The following SORCS3 variants were observed in gnomAD, a reference collection of about 807,000 sequenced individuals.
SORCS3 encodes the protein VPS10 domain-containing receptor SorCS3.
SORCS3 carries 57 observed loss-of-function variants against 146.3 expected under a neutral mutation model. That is an observed-to-expected ratio of 0.39 (90% CI 0.31 to 0.49). SORCS3 has a LOEUF of 0.49. Ranked by LOEUF, SORCS3 falls within the 20% of genes least tolerant of loss-of-function variation. SORCS3 has a pLI of 0.92. For missense variants in SORCS3, 1,341 were observed against 1,575.5 expected (o/e 0.85, Z 2.52); for synonymous variants, 653 against 618.5 (o/e 1.06, Z -0.83).
At chr10:104,739,192 C>T (rs1207528889) in intron 1 of SORCS3, among the ~76,000 whole-genome samples, 1 of 152,194 alleles carries the variant, frequency 6.6e-6, no homozygotes, top group African/African-American at 2.4e-5. Flanking sequence ...CTGTCTGTGT[C>T]TGAGCGATGT....
rs760141602 is a variant in SORCS3 at position 105,256,817 on chromosome 10, A to G, written c.3338-2A>G. The G allele has an allele frequency of 6.2e-7, 1 of 1,612,414 alleles. No homozygotes were observed. Among genetic ancestry groups the G allele is most frequent in the East Asian group, 2.2e-5 (1 of 44,872 alleles). ...TTTTCCTTATCTGTTCTTCTTTCCA[A>G]GCTCCATTGGTGGACTCCAGTGCTG... On this transcript the variant is annotated splice_acceptor_variant, in intron 24 of 26. Transcript: ENST00000369701. LOFTEE classifies it high-confidence loss of function.
chr10:105,141,901 G>C (rs979931990), intron 8 of SORCS3, among the ~76,000 whole-genome samples: 2 of 152,174 alleles, frequency 1.3e-5, no homozygotes, highest in Non-Finnish European at 2.9e-5. Flanking sequence ...CTGTGAAATG[G>C]GGTTAATATT....
intron 4 of SORCS3, among the ~76,000 whole-genome samples, chr10:104,981,203 A>G (rs1589577733): frequency 6.6e-6 from 1 of 151,830 alleles, no homozygotes; most frequent in Non-Finnish European, 1.5e-5. Flanking sequence ...CACTCCTTCT[A>G]CCTCCCATGC....
Position 105,139,393 on chromosome 10 carries a change from C to T in SORCS3, c.1213-4C>T. The T allele has an allele frequency of 1.2e-6, 2 of 1,610,936 alleles. No homozygotes were observed. The highest frequency in any genetic ancestry group is 8.5e-7 in the Non-Finnish European group (1 of 1,177,166). ...GATCTCTTTGTGTTTCCCCCACAATCTAGGTAACAACTAGTGGAAGAGCCA... is the reference window on the plus strand; with the variant it reads ...GATCTCTTTGTGTTTCCCCCACAATTTAGGTAACAACTAGTGGAAGAGCCA... On this transcript the variant is annotated splice_region_variant and splice_polypyrimidine_tract_variant and intron_variant, in intron 7 of 26. Coordinates refer to ENST00000369701, the MANE Select transcript of SORCS3 (RefSeq NM_014978.3).
rs2056294586 is a variant in SORCS3, at chr10:105,164,368, A to G, written c.1798A>G (p.Thr600Ala). 4 of 1,612,332 alleles carry G rather than the reference A, an allele frequency of 2.5e-6. No homozygotes were observed. Among genetic ancestry groups the G allele is most frequent in the Non-Finnish European group, 3.4e-6 (4 of 1,178,608 alleles). The change falls in exon 12 of 27, where the codon ACA (threonine) becomes GCA (alanine). Residue 600 changes from threonine to alanine, a missense_variant. Physicochemically the swap from Thr to Ala is moderately conservative, Grantham distance 58. Transcript: ENST00000369701. ...GVFISSDGGN[T>A]WRQIFDEEYN... ...GTTCATCTCCTCCGATGGGGGCAAC[A>G]CATGGAGACAGGTAACTGGGTGAAT...
chr10:104,721,252 G>A (rs1262384430), intron 1 of SORCS3, among the ~76,000 whole-genome samples: 2 of 152,138 alleles, frequency 1.3e-5, no homozygotes, highest in Non-Finnish European at 2.9e-5. Flanking sequence ...CCCATTGCTT[G>A]TTTTTGTCAG....
intron 19 of SORCS3, among the ~76,000 whole-genome samples, chr10:105,218,193 G>C (rs983197472): frequency 6.6e-6 from 1 of 152,276 alleles, no homozygotes; most frequent in Admixed American, 6.5e-5. Flanking sequence ...AGGAGACCTG[G>C]ATTATGTAGC....
intron 2 of SORCS3, among the ~76,000 whole-genome samples, chr10:104,871,133 T>C (rs1026086816): frequency 6.6e-6 from 1 of 152,216 alleles, no homozygotes. Flanking sequence ...GATGACAGTG[T>C]GTCATACACT....
At chr10:104,959,022 TGG>T (rs1459996572) in intron 3 of SORCS3, among the ~76,000 whole-genome samples, 1 of 152,046 alleles carries the variant, frequency 6.6e-6, no homozygotes, top group East Asian at 1.9e-4. Context: ...GAGATTTGGA[TGG>T]GGCATGGAGA....
In SORCS3 at chr10:104,644,446, A is replaced by G. The variant is rs771066911; in HGVS notation, c.627+2492A>G. Among the ~76,000 whole-genome samples the G allele has an allele frequency of 2.0e-5, 3 of 152,362 alleles. No individual in the cohort carries two copies. In the South Asian group the frequency reaches 6.2e-4, roughly 32 times the overall value. ...GCCCTGTCTTTGAGACTTTAAGGAA[A>G]TCTCCTGGAGAGTCACTGGGAAACC... On this transcript the variant is annotated intron_variant, in intron 1 of 26. Transcript: ENST00000369701.
intron 2 of SORCS3, among the ~76,000 whole-genome samples, chr10:104,880,531 G>T (rs1413909499): frequency 6.6e-6 from 1 of 152,172 alleles, no homozygotes; most frequent in African/African-American, 2.4e-5. Flanking sequence ...TTAAAAGTCT[G>T]CTTTGTGTTA....
intron 4 of SORCS3, among the ~76,000 whole-genome samples, chr10:105,031,721 C>T (rs756033259): frequency 2.0e-5 from 3 of 152,190 alleles, no homozygotes; most frequent in Non-Finnish European, 4.4e-5. Flanking sequence ...TGCTTCTGCC[C>T]TCCAATGCTA....
intron 2 of SORCS3, among the ~76,000 whole-genome samples, chr10:104,886,973 G>C (rs1044224302): frequency 1.3e-5 from 2 of 152,172 alleles, no homozygotes; most frequent in African/African-American, 2.4e-5. Flanking sequence ...TTATGTGGGA[G>C]TATTTGGTAA....
intron 14 of SORCS3, among the ~76,000 whole-genome samples, chr10:105,189,328 G>T (rs911239983): frequency 2.0e-5 from 3 of 152,154 alleles, no homozygotes; most frequent in Non-Finnish European, 4.4e-5. Flanking sequence ...CTGTCATTCT[G>T]ATGATTCATT....
intron 12 of SORCS3, among the ~76,000 whole-genome samples, chr10:105,166,150 A>G (rs553501352): frequency 6.6e-6 from 1 of 152,294 alleles, no homozygotes; most frequent in East Asian, 1.9e-4. Flanking sequence ...GAAGATAAAT[A>G]TGTAAAAAAA....
At chr10:104,833,208 T>G (rs991157524) in intron 1 of SORCS3, among the ~76,000 whole-genome samples, 2 of 152,216 alleles carry the variant, frequency 1.3e-5, no homozygotes, top group African/African-American at 4.8e-5. Context: ...ATTGAAATGT[T>G]TGATTCTAGC....
intron 1 of SORCS3, among the ~76,000 whole-genome samples, chr10:104,808,972 C>T (rs545825933): frequency 1.3e-5 from 2 of 152,050 alleles, no homozygotes; most frequent in African/African-American, 4.8e-5. Flanking sequence ...CCATTGATTG[C>T]GTTGGCTATA....
chr10:104,820,732 A>G (rs909619140), intron 1 of SORCS3, among the ~76,000 whole-genome samples: 4 of 152,242 alleles, frequency 2.6e-5, no homozygotes, highest in Admixed American at 6.5e-5. Context: ...AAATAAAGAG[A>G]CTCAACACTT....
intron 2 of SORCS3, among the ~76,000 whole-genome samples, chr10:104,877,324 T>C (rs1320788854): frequency 1.3e-5 from 2 of 152,156 alleles, no homozygotes; most frequent in Non-Finnish European, 2.9e-5. Context: ...CCATCTTTCA[T>C]TGCCCAGCCC....
Sources: gnomAD v4.1 joint callset for allele counts (sites outside exome capture counted in the v4.1 genomes callset) on GRCh38, gnomAD v4.1.1 for gene constraint, MANE v1.5 for transcripts, NCBI Gene and HGNC (gene_info 2026-07-23, HGNC 2026-07-21) for gene names.